Variants in ZFAT observed in about 807,000 individuals in gnomAD.
The protein encoded by ZFAT is zinc finger protein ZFAT.
In ZFAT, 64 loss-of-function variants were observed where a neutral mutation model predicts 117.7. The observed-to-expected ratio is 0.54, with a 90% CI of 0.44 to 0.67. The LOEUF (loss-of-function observed/expected upper bound fraction) is 0.67. Among genes scored for constraint, ZFAT ranks in the 30% least tolerant of loss-of-function variants. ZFAT has a pLI of 0.00. For missense variants in ZFAT, 1,433 were observed against 1,584.5 expected (o/e 0.90, Z 1.62); for synonymous variants, 679 against 615.0 (o/e 1.10, Z -1.54).
intron 12 of ZFAT, 142 bp from the exon 13 acceptor site, chr8:134,521,143 G>T: frequency 3.7e-6 from 2 of 539,604 alleles, no homozygotes; most frequent in Non-Finnish European, 6.6e-6. Context: ...GCTTACCTTA[G>T]TATTGGAACA....
At chr8:134,603,203 C>T (rs962497135) in intron 5 of ZFAT, among the ~76,000 whole-genome samples, 5 of 151,580 alleles carry the variant, frequency 3.3e-5, no homozygotes, top group Admixed American at 1.3e-4. Context: ...ATGCACACCA[C>T]AAAAAAGGAA....
the ZFAT span, among the ~76,000 whole-genome samples, chr8:134,735,899 A>G: frequency 8.5e-5 from 13 of 152,204 alleles, no homozygotes; most frequent in Admixed American, 2.6e-4. Flanking sequence ...TAGAATTTAA[A>G]AAAAAGGTCT....
upstream of ZFAT, among the ~76,000 whole-genome samples, chr8:134,714,435 A>G: frequency 6.6e-6 from 1 of 152,172 alleles, no homozygotes; most frequent in East Asian, 1.9e-4. Context: ...TTGCATAGTC[A>G]TATTACTGAA....
chr8:134,509,018 G>A (rs972816687), intron 15 of ZFAT, among the ~76,000 whole-genome samples: 2 of 152,180 alleles, frequency 1.3e-5, no homozygotes, highest in Non-Finnish European at 2.9e-5. Flanking sequence ...AGATAAAAAG[G>A]ATGACCTAAT....
intron 2 of ZFAT, among the ~76,000 whole-genome samples, chr8:134,644,071 A>G (rs1194898415): frequency 6.6e-6 from 1 of 152,216 alleles, no homozygotes; most frequent in Non-Finnish European, 1.5e-5. Flanking sequence ...GGACGTCTTT[A>G]GCAGCCTGAA....
the ZFAT span, among the ~76,000 whole-genome samples, chr8:134,745,846 C>T: frequency 5.2e-3 from 788 of 152,240 alleles, 14 homozygotes; most frequent in Non-Finnish European, 3.8e-3. Context: ...GAAACTGAAG[C>T]TCAGAGAGGT....
In ZFAT at chr8:134,608,887, T is replaced by G. The variant is rs747694688; in HGVS notation, c.635-8A>C. ...GCACAATCTTGGTAGCACCTGAGATTGATGCAAAAGGCATTGCTTATTGAG... is the reference window on the plus strand; with the variant it reads ...GCACAATCTTGGTAGCACCTGAGATGGATGCAAAAGGCATTGCTTATTGAG... On this transcript the variant is annotated splice_polypyrimidine_tract_variant and splice_region_variant and intron_variant, in intron 4 of 15. Transcript: ENST00000377838. The G allele has an allele frequency of 1.7e-5, 27 of 1,598,472 alleles. No homozygotes were observed. In the Admixed American group the frequency reaches 4.0e-4, roughly 23 times the overall value.
At chr8:134,755,817 C>CAAA in the ZFAT span, among the ~76,000 whole-genome samples, 8 of 89,988 alleles carry the variant, frequency 8.9e-5, no homozygotes, top group South Asian at 4.4e-4. Flanking sequence ...GACTCCATCT[C>CAAA]AAAAAAAAAA....
chr8:134,680,079 C>A (rs1832998265), intron 1 of ZFAT, among the ~76,000 whole-genome samples: 1 of 151,230 alleles, frequency 6.6e-6, no homozygotes, highest in South Asian at 2.1e-4. Context: ...TACCCCTGAA[C>A]TTAAAGTATA....
rs1447218700 is a variant in ZFAT, at chr8:134,520,991, C to T, written c.3126G>A (p.Lys1042=). 2 of 1,612,616 alleles carry T rather than the reference C, an allele frequency of 1.2e-6. No individual in the cohort carries two copies. The highest frequency in any genetic ancestry group is 1.3e-5 in the African/African-American group (1 of 74,836). The change falls in exon 13 of 16, where the codon AAG becomes AAA. Residue 1042 remains lysine, a synonymous_variant. Transcript: ENST00000377838. The part of the protein sequence containing the change: ...AEVLIQQGGL[K]CPVCSFVYGT... ...CATATACAAAGCTGCAAACAGGACACTTCAAACCACCTGAAAGCACAGACA... is the reference window on the plus strand; with the variant it reads ...CATATACAAAGCTGCAAACAGGACATTTCAAACCACCTGAAAGCACAGACA...
the ZFAT span, among the ~76,000 whole-genome samples, chr8:134,770,062 G>A: frequency 1.3e-5 from 2 of 152,220 alleles, no homozygotes; most frequent in South Asian, 2.1e-4. Flanking sequence ...GATGGGAGGA[G>A]CTGCCACAAA....
At chr8:134,590,652 C>A (rs200187759) in intron 7 of ZFAT, among the ~76,000 whole-genome samples, 2 of 97,366 alleles carry the variant, frequency 2.1e-5, no homozygotes, top group South Asian at 5.1e-4. Context: ...ATCACCACCA[C>A]CACCACCAAC....
At chr8:134,785,755 G>T in the ZFAT span, 3 of 144,728 alleles carry the variant, frequency 2.1e-5, no homozygotes, top group Non-Finnish European at 4.6e-5. Flanking sequence ...TTTTATGATA[G>T]GTACTCCCCT....
At chr8:134,520,827 G>A in intron 13 of ZFAT, 56 bp downstream of exon 13, 4 of 1,429,518 alleles carry the variant, frequency 2.8e-6, no homozygotes, top group Non-Finnish European at 3.9e-6. Context: ...GGGTTTGCCT[G>A]GTTTGTCATC....
At chr8:134,768,102 T>C in the ZFAT span, among the ~76,000 whole-genome samples, 5,798 of 152,332 alleles carry the variant, frequency 0.038, 152 homozygotes, top group Middle Eastern at 0.071. Context: ...TACTGTTTTT[T>C]GTTTTTACAA....
At chr8:134,515,158 T>G (rs1483899565) in intron 13 of ZFAT, among the ~76,000 whole-genome samples, 1 of 152,242 alleles carries the variant, frequency 6.6e-6, no homozygotes, top group Non-Finnish European at 1.5e-5. Flanking sequence ...TATGGCTGCA[T>G]AGTATTCCAT....
intron 11 of ZFAT, among the ~76,000 whole-genome samples, chr8:134,535,497 C>T (rs1212371369): frequency 8.1e-6 from 1 of 123,552 alleles, no homozygotes; most frequent in Admixed American, 8.1e-5. Flanking sequence ...CTCCCCCTCC[C>T]CCTCCCTCTC....
chr8:134,669,406 G>A (rs12681316), intron 1 of ZFAT, among the ~76,000 whole-genome samples: 52,648 of 152,066 alleles, frequency 0.35, 9,485 homozygotes, highest in South Asian at 0.43. Context: ...CGGATCTCTC[G>A]GCGGAAACTC....
chr8:134,792,747 A>G, the ZFAT span: 1 of 152,316 alleles, frequency 6.6e-6, no homozygotes, highest in Non-Finnish European at 1.5e-5. Flanking sequence ...TAGCTTGATC[A>G]CTGTCATATG....
Sources: allele counts gnomAD v4.1 joint callset (sites outside exome capture counted in the v4.1 genomes callset), GRCh38; gene constraint gnomAD v4.1.1; transcripts MANE v1.5; gene names NCBI Gene and HGNC (gene_info 2026-07-23, HGNC 2026-07-21).